ZNF486: variants seen among roughly 807,000 people sequenced by gnomAD.
The protein encoded by ZNF486 is KRAB box only protein 2.
ZNF486 carries 12 observed loss-of-function variants against 12.8 expected under a neutral mutation model. The ratio of observed to expected loss-of-function variants is 0.94; its 90% CI spans 0.60 to 1.52. ZNF486 has a LOEUF of 1.52. Among genes scored for constraint, ZNF486 ranks in the 40% most tolerant of loss-of-function variants. The pLI, the probability that ZNF486 is intolerant of heterozygous loss-of-function variation, is 0.00. For synonymous variants in ZNF486, 231 were observed against 184.9 expected, an observed-to-expected ratio of 1.25 and a Z score of -2.02; for missense variants, 738 against 545.0, an observed-to-expected ratio of 1.35 and a Z score of -3.53.
chr19:20,190,055 T>C (rs782559074), intron 3 of ZNF486, among the ~76,000 whole-genome samples: 1 of 152,238 alleles, frequency 6.6e-6, no homozygotes, highest in African/African-American at 2.4e-5. Context: ...TTTGAAGATA[T>C]TACTTTTCTC....
chr19:20,182,731 C>A (rs1267322230), intron 1 of ZNF486, among the ~76,000 whole-genome samples: 2 of 152,250 alleles, frequency 1.3e-5, no homozygotes, highest in Admixed American at 6.5e-5. Context: ...TTCCCTGAAT[C>A]TCTTCTGTTT....
chr19:20,168,010 CG>C (rs2089603795), intron 1 of ZNF486, among the ~76,000 whole-genome samples: 1 of 151,944 alleles, frequency 6.6e-6, no homozygotes, highest in South Asian at 2.1e-4. Context: ...TTAGATTGTG[CG>C]GTCTGACCCC....
Position 20,196,589 on chromosome 19 carries a change from G to A in ZNF486, c.254-375G>A, listed in dbSNP as rs906118762. 5.6e-4 allele frequency among the ~76,000 whole-genome samples: 85 copies of A among 152,236 alleles called. 1 individual carries two copies. The highest frequency in any genetic ancestry group is 4.2e-3 in the Admixed American group (64 of 15,286). ...AAGTGATTCACCCATCTCAGCCTCC[G>A]AAAGTGCTGGTATTACAGGAATGAG... On this transcript the variant is annotated intron_variant, in intron 3 of 3. Coordinates refer to ENST00000335117, the MANE Select transcript of ZNF486 (RefSeq NM_052852.4).
chr19:20,188,602 G>T, intron 3 of ZNF486: 1 of 396,644 alleles, frequency 2.5e-6, no homozygotes, highest in Non-Finnish European at 4.4e-6. Flanking sequence ...AGTCAAAATT[G>T]TGCCACTACA....
rs185730192 is a variant in ZNF486 at position 20,198,357 on chromosome 19, C to T, written c.*255C>T. On this transcript the variant is annotated 3_prime_UTR_variant, in exon 4 of 4. Transcript: ENST00000335117. ...ACCTCAGGTGGTCTGCCTGCTTTGG[C>T]CTCCCAAAGTGTTGGGGTTACAGGC... The T allele has an allele frequency of 1.6e-4, 66 of 424,736 alleles. No individual in the cohort carries two copies. In the Admixed American group the frequency reaches 2.6e-3, roughly 17 times the overall value. The allele number at this position is 424,736 out of a possible 1,614,324, so 26.3% of individuals were successfully genotyped here.
intron 1 of ZNF486, among the ~76,000 whole-genome samples, chr19:20,169,893 T>G (rs1267201752): frequency 2.8e-5 from 4 of 145,242 alleles, no homozygotes; most frequent in Non-Finnish European, 6.0e-5. Context: ...TGTATGTTTT[T>G]TTTTTTTTTT....
In ZNF486 at chr19:20,198,360, C is replaced by T. The variant is rs2089982428; in HGVS notation, c.*258C>T. The stretch of plus-strand genomic sequence containing the variant: ...TCAGGTGGTCTGCCTGCTTTGGCCT[C>T]CCAAAGTGTTGGGGTTACAGGCATG... On this transcript the variant is annotated 3_prime_UTR_variant, in exon 4 of 4. Transcript: ENST00000335117. 7.1e-6 allele frequency: 3 copies of T among 420,786 alleles called. No individual in the cohort carries two copies. The South Asian group carries it at 9.2e-5, about 13-fold the overall frequency. The allele number at this position is 420,786 out of a possible 1,614,324, so 26.1% of individuals were successfully genotyped here. A position where few individuals can be genotyped will look rare whatever the true frequency, so the allele number is the denominator to read the frequency against.
chr19:20,175,164 C>T (rs2089691758), intron 1 of ZNF486: 2 of 152,108 alleles, frequency 1.3e-5, no homozygotes, highest in African/African-American at 2.4e-5. Flanking sequence ...TCATGTTTCT[C>T]TTGCTGAGAG....
Position 20,197,805 on chromosome 19 carries a change from TA to T in ZNF486, c.1096del (p.Thr366LeufsTer5), listed in dbSNP as rs1460772579. ...GKAFTRSSHL[T>X]MHKIIHTGEK... ...AAGCCTTCACCCGCTCCTCACACCT[TA>T]CTATGCATAAGATAATTCATACTGG... On this transcript the variant is annotated frameshift_variant, in exon 4 of 4. Transcript: ENST00000335117. LOFTEE classifies it low-confidence loss of function (END_TRUNC). 1.2e-6 allele frequency: 2 copies of T among 1,613,410 alleles called. No individual in the cohort carries two copies. The highest frequency in any genetic ancestry group is 3.3e-5 in the Admixed American group (2 of 59,954).
intron 1 of ZNF486, among the ~76,000 whole-genome samples, chr19:20,172,431 T>C (rs1454606246): frequency 6.6e-6 from 1 of 152,060 alleles, no homozygotes; most frequent in Non-Finnish European, 1.5e-5. Flanking sequence ...CCTGAGTAGC[T>C]GGGATTACAG....
rs556120405 is a variant in ZNF486 at position 20,176,353 on chromosome 19, G to A, written c.31-8003G>A. ...CCTCACTTTCAGACTGGGCAGCCAG[G>A]CAGAGGGGCCCCTCACATCCCAGAC... On this transcript the variant is annotated intron_variant, in intron 1 of 3. Coordinates refer to ENST00000335117, the MANE Select transcript of ZNF486 (RefSeq NM_052852.4). 48 of 177,422 alleles carry A rather than the reference G, an allele frequency of 2.7e-4. 2 individuals are homozygous for A. The South Asian group carries it at 5.1e-3, about 19-fold the overall frequency. The allele number at this position is 177,422 out of a possible 1,614,324, so 11.0% of individuals were successfully genotyped here.
chr19:20,184,660 T>C (rs2089823208), intron 2 of ZNF486, among the ~76,000 whole-genome samples, 178 bp downstream of exon 2: 1 of 152,240 alleles, frequency 6.6e-6, no homozygotes, highest in African/African-American at 2.4e-5. Context: ...TTCATCTTAA[T>C]CCAAACTTTC....
chr19:20,186,111 G>A (rs782692708), intron 3 of ZNF486, 29 bp downstream of exon 3: 1 of 1,535,576 alleles, frequency 6.5e-7, no homozygotes, highest in East Asian at 2.5e-5. Flanking sequence ...GAACACAACA[G>A]ACAATGCAGA....
At chr19:20,177,822 C>T (rs538820213) in intron 1 of ZNF486, among the ~76,000 whole-genome samples, 33 of 152,116 alleles carry the variant, frequency 2.2e-4, no homozygotes, top group Admixed American at 1.3e-3. Context: ...GTGATCCACC[C>T]GCCTCGGCCT....
intron 1 of ZNF486, among the ~76,000 whole-genome samples, chr19:20,170,653 G>A (rs2089638809): frequency 1.3e-5 from 2 of 152,160 alleles, no homozygotes; most frequent in East Asian, 1.9e-4. Flanking sequence ...AATGTGCAGT[G>A]TATGTCTGGC....
intron 1 of ZNF486, among the ~76,000 whole-genome samples, chr19:20,180,945 G>C (rs534757808): frequency 6.6e-6 from 1 of 152,130 alleles, no homozygotes; most frequent in East Asian, 1.9e-4. Context: ...AAAGTTGACA[G>C]GGCAGTGGCT....
chr19:20,172,998 TTTTG>T (rs1468797340), intron 1 of ZNF486, among the ~76,000 whole-genome samples: 3 of 152,122 alleles, frequency 2.0e-5, no homozygotes, highest in Non-Finnish European at 4.4e-5. Flanking sequence ...TTGTAAATAT[TTTTG>T]TTTATTTTGT....
At chr19:20,192,055 A>C (rs532418714) in intron 3 of ZNF486, among the ~76,000 whole-genome samples, 1 of 152,320 alleles carries the variant, frequency 6.6e-6, no homozygotes, top group Non-Finnish European at 1.5e-5. Flanking sequence ...CTGGTAAATT[A>C]ACTCACTTTA....
At chr19:20,185,516 T>C (rs1385686078) in intron 2 of ZNF486, among the ~76,000 whole-genome samples, 1 of 145,848 alleles carries the variant, frequency 6.9e-6, no homozygotes, top group Non-Finnish European at 1.5e-5. Context: ...GTTCAAGCAA[T>C]TCTCCTGTCT....
Sources: allele counts gnomAD v4.1 joint callset (sites outside exome capture counted in the v4.1 genomes callset), GRCh38; gene constraint gnomAD v4.1.1; transcripts MANE v1.5; gene names NCBI Gene and HGNC (gene_info 2026-07-23, HGNC 2026-07-21).